Variants in BRCA1 observed in about 807,000 individuals in gnomAD.
BRCA1 encodes breast cancer type 1 susceptibility protein.
Under a neutral mutation model 173.7 loss-of-function variants are expected in BRCA1, and 140 were observed. That is an observed-to-expected ratio of 0.81 (90% confidence interval 0.70 to 0.93). BRCA1 has a LOEUF of 0.93. BRCA1 is among the 40% of genes least tolerant of loss of function. The pLI, the probability that BRCA1 is intolerant of heterozygous loss-of-function variation, is 0.00. For missense variants in BRCA1, 1,983 were observed against 2,172.5 expected (o/e 0.91, Z 1.73); for synonymous variants, 662 against 756.0 (o/e 0.88, Z 2.04).
intron 2 of BRCA1, among the ~76,000 whole-genome samples, chr17:43,123,509 C>A (rs148589356): frequency 6.6e-6 from 1 of 152,094 alleles, no homozygotes; most frequent in Non-Finnish European, 1.5e-5. Context: ...GCCACTACGC[C>A]CAGCTAATTT....
intron 1 of BRCA1, among the ~76,000 whole-genome samples, chr17:43,141,234 A>G (rs1257781894): frequency 3.3e-5 from 5 of 152,196 alleles, no homozygotes; most frequent in Non-Finnish European, 2.9e-5. Flanking sequence ...AAACTGCTCA[A>G]TTGAGGACAA....
At chr17:43,050,717 T>C (rs1433236967) in intron 20 of BRCA1, among the ~76,000 whole-genome samples, 1 of 151,598 alleles carries the variant, frequency 6.6e-6, no homozygotes, top group Non-Finnish European at 1.5e-5. Flanking sequence ...TAAATTAAGA[T>C]GGTTTAGGAA....
intron 15 of BRCA1, among the ~76,000 whole-genome samples, chr17:43,070,466 G>C (rs1194961613): frequency 6.6e-6 from 1 of 152,246 alleles, no homozygotes; most frequent in South Asian, 2.1e-4. Flanking sequence ...GAAGTGGCAG[G>C]GCATTCTTAC....
rs189292492 is a variant in BRCA1 at position 43,131,707 on chromosome 17, C to T, written c.-19-7592G>A. On this transcript the variant is annotated intron_variant, in intron 1 of 7. Coordinates refer to the BRCA1 transcript ENST00000634433. ...CTGCACTTCAGCCTCGGTGACAGAG[C>T]GAGACTCCGTCTCAAAAAAAAAAAA... Among the ~76,000 whole-genome samples, 219 of 150,348 alleles carry T rather than the reference C, an allele frequency of 1.5e-3. 5 individuals carry two copies. The East Asian group carries it at 0.039, about 27-fold the overall frequency.
At chr17:43,156,866 CTG>C (rs2056200715) in intron 1 of BRCA1, among the ~76,000 whole-genome samples, 1 of 152,118 alleles carries the variant, frequency 6.6e-6, no homozygotes, top group African/African-American at 2.4e-5. Context: ...TGAAGGAAGA[CTG>C]TGAAAAGGGA....
intron 1 of BRCA1, chr17:43,148,889 GA>G (rs1419298819): frequency 6.0e-6 from 1 of 167,284 alleles, no homozygotes; most frequent in African/African-American, 2.4e-5. Context: ...TACCTAATGA[GA>G]TAACTTTTTT....
intron 1 of BRCA1, among the ~76,000 whole-genome samples, chr17:43,168,455 C>G (rs1449624313): frequency 1.3e-5 from 2 of 152,064 alleles, no homozygotes; most frequent in African/African-American, 4.8e-5. Context: ...CTGACCAATA[C>G]GGAGAAACCT....
intron 1 of BRCA1, among the ~76,000 whole-genome samples, chr17:43,142,242 T>C (rs1205134886): frequency 6.6e-6 from 1 of 152,178 alleles, no homozygotes; most frequent in African/African-American, 2.4e-5. Context: ...AACTCCCTGC[T>C]TATGTCCAAC....
In BRCA1 at chr17:43,092,890, C is replaced by T. The variant is rs397508988; in HGVS notation, c.2641G>A (p.Glu881Lys). The part of the protein sequence containing the change: ...PFSNPGNAEE[E>K]CATFSAHSGS... ...GAGTGGGCAGAGAATGTTGCACATT[C>T]CTCTTCTGCATTTCCTGGATTTGAA... Residue 881 changes from glutamate to lysine, a missense_variant, in exon 10 of 23, where the codon GAA (glutamate) becomes AAA (lysine). By Grantham distance (56) the Glu-to-Lys change is moderately conservative (BLOSUM62 1). Coordinates refer to ENST00000357654, the MANE Select transcript of BRCA1 (RefSeq NM_007294.4). The T allele has an allele frequency of 6.2e-7, 1 of 1,613,904 alleles. No individual in the cohort carries two copies. The highest frequency in any genetic ancestry group is 1.1e-5 in the South Asian group (1 of 91,080).
At chr17:43,169,906 T>G (rs1322672924) in intron 1 of BRCA1, 3 of 438,148 alleles carry the variant, frequency 6.8e-6, no homozygotes, top group Non-Finnish European at 1.4e-5. Context: ...CAGATGTGGC[T>G]CCCAATGTTG....
chr17:43,107,166 G>A lies in BRCA1; in HGVS notation c.135-633C>T, dbSNP rs535071846. ...TGCAAGCTCCACCTCCTGGGTTCAC[G>A]CCATTCTCCTGCCTCAGCCTCCCGA... On this transcript the variant is annotated intron_variant, in intron 3 of 22. Coordinates refer to ENST00000357654, the MANE Select transcript of BRCA1 (RefSeq NM_007294.4). Among the ~76,000 whole-genome samples the A allele has an allele frequency of 2.6e-3, 384 of 147,904 alleles. 1 individual carries two copies. The highest frequency in any genetic ancestry group is 4.5e-3 in the Non-Finnish European group (307 of 67,562).
At chr17:43,120,463 C>T (rs1333582731) in intron 2 of BRCA1, among the ~76,000 whole-genome samples, 3 of 152,182 alleles carry the variant, frequency 2.0e-5, no homozygotes, top group Non-Finnish European at 4.4e-5. Context: ...GAATGTAAAA[C>T]ACCATAAAAA....
intron 22 of BRCA1, among the ~76,000 whole-genome samples, chr17:43,046,148 C>G (rs2050906785): frequency 6.6e-6 from 1 of 151,460 alleles, no homozygotes; most frequent in South Asian, 2.1e-4. Context: ...CTCTGGAACT[C>G]CTGACCTCAG....
intron 14 of BRCA1, among the ~76,000 whole-genome samples, chr17:43,073,843 C>T (rs980570429): frequency 1.2e-4 from 18 of 152,048 alleles, no homozygotes; most frequent in African/African-American, 4.1e-4. Context: ...CAACCTCCGC[C>T]TCCCGGGTTC....
At chr17:43,100,560 A>ATATATATATATATAACATATATATAT (rs2054347137) in intron 6 of BRCA1, among the ~76,000 whole-genome samples, 1 of 16,080 alleles carries the variant, frequency 6.2e-5, no homozygotes, top group Non-Finnish European at 2.0e-4. Context: ...GTGTGTGTGT[A>ATATATATATATATAACATATATATAT]TATATATATA....
At chr17:43,074,829 G>A (rs183779673) in intron 13 of BRCA1, among the ~76,000 whole-genome samples, 190 of 152,118 alleles carry the variant, frequency 1.2e-3, no homozygotes, top group African/African-American at 4.5e-3. Context: ...GCTGAGGCAG[G>A]AAAATTGCTT....
At chr17:43,122,921 G>A (rs1416855226) in intron 2 of BRCA1, among the ~76,000 whole-genome samples, 1 of 151,598 alleles carries the variant, frequency 6.6e-6, no homozygotes, top group Non-Finnish European at 1.5e-5. Flanking sequence ...GCCGGGCGTG[G>A]TAGTGGGTGC....
At chr17:43,062,324 G>A (rs1231134157) in intron 18 of BRCA1, among the ~76,000 whole-genome samples, 1 of 151,634 alleles carries the variant, frequency 6.6e-6, no homozygotes, top group Non-Finnish European at 1.5e-5. Flanking sequence ...CAAACTCCTG[G>A]CCTCAAGTAA....
chr17:43,110,687 A>C (rs1191314613), intron 3 of BRCA1: 1 of 288,812 alleles, frequency 3.5e-6, no homozygotes. Context: ...TCAAAAAAGT[A>C]TTACAGGCTG....
Sources: gnomAD v4.1 joint callset for allele counts (sites outside exome capture counted in the v4.1 genomes callset) on GRCh38, gnomAD v4.1.1 for gene constraint, MANE v1.5 for transcripts, NCBI Gene and HGNC (gene_info 2026-07-23, HGNC 2026-07-21) for gene names.